Variants in CNTN6 observed in about 807,000 individuals in gnomAD.
CNTN6 encodes the protein contactin-6.
In CNTN6, 137 loss-of-function variants were observed where a neutral mutation model predicts 122.8. That is an observed-to-expected ratio of 1.12 (90% CI 0.97 to 1.29). The LOEUF is 1.29. Among genes scored for constraint, CNTN6 ranks in the 50% most tolerant of loss-of-function variants. The pLI is 0.00. For synonymous variants in CNTN6, 570 were observed against 426.0 expected (o/e 1.34, Z -4.16); for missense variants, 1,634 against 1,223.4 (o/e 1.34, Z -5.01).
chr3:1,199,530 C>T (rs1172238537), intron 2 of CNTN6, among the ~76,000 whole-genome samples: 1 of 151,830 alleles, frequency 6.6e-6, no homozygotes, highest in African/African-American at 2.4e-5. Context: ...TGCAGCAGCA[C>T]TAGGAAACTA....
At chr3:1,262,662 T>C (rs1052593681) in intron 4 of CNTN6, among the ~76,000 whole-genome samples, 2 of 152,166 alleles carry the variant, frequency 1.3e-5, no homozygotes, top group Non-Finnish European at 2.9e-5. Flanking sequence ...TTAGGCCTTA[T>C]GGCATTGTGC....
chr3:1,307,482 C>A (rs1291360786), intron 7 of CNTN6, among the ~76,000 whole-genome samples: 1 of 151,836 alleles, frequency 6.6e-6, no homozygotes, highest in Non-Finnish European at 1.5e-5. Flanking sequence ...CCCCCCCACA[C>A]ACAATTTCCC....
intron 11 of CNTN6, among the ~76,000 whole-genome samples, chr3:1,349,674 T>A (rs1388547496): frequency 2.0e-5 from 3 of 152,020 alleles, no homozygotes; most frequent in South Asian, 2.1e-4. Context: ...TTGGCTTTTT[T>A]AAAATCATTT....
chr3:1,387,206 A>C (rs1358809682), intron 20 of CNTN6, among the ~76,000 whole-genome samples: 1 of 151,942 alleles, frequency 6.6e-6, no homozygotes, highest in Non-Finnish European at 1.5e-5. Context: ...TAGAAAATAC[A>C]AAGTGCTGTG....
intron 11 of CNTN6, among the ~76,000 whole-genome samples, chr3:1,335,293 A>G (rs1702892386): frequency 6.6e-6 from 1 of 152,134 alleles, no homozygotes; most frequent in East Asian, 1.9e-4. Flanking sequence ...ACTTGTATGC[A>G]TATCCCAGTT....
chr3:1,248,182 T>G (rs2094607418), intron 4 of CNTN6, among the ~76,000 whole-genome samples: 1 of 152,176 alleles, frequency 6.6e-6, no homozygotes, highest in South Asian at 2.1e-4. Flanking sequence ...TCCTTCCCTA[T>G]TTCCAAGATG....
intron 12 of CNTN6, among the ~76,000 whole-genome samples, chr3:1,361,979 A>G (rs1183649968): frequency 1.3e-5 from 2 of 152,158 alleles, no homozygotes; most frequent in Non-Finnish European, 2.9e-5. Context: ...GTAGACTTAC[A>G]GTGAAAGGGA....
intron 2 of CNTN6, 108 bp from the exon 3 acceptor site, chr3:1,220,579 T>C: frequency 1.0e-6 from 1 of 998,758 alleles, no homozygotes; most frequent in Non-Finnish European, 1.3e-6. Context: ...GAGATTGTTT[T>C]AAAATAAAAT....
At chr3:1,103,867 C>T (rs9865375) in intron 1 of CNTN6, among the ~76,000 whole-genome samples, 33,123 of 151,910 alleles carry the variant, frequency 0.22, 7,318 homozygotes, top group African/African-American at 0.57. Context: ...TATTAGCCCC[C>T]GGATGTTATT....
At chr3:1,252,530 T>G (rs2094687796) in intron 4 of CNTN6, among the ~76,000 whole-genome samples, 1 of 152,180 alleles carries the variant, frequency 6.6e-6, no homozygotes, top group African/African-American at 2.4e-5. Context: ...GATAACTATT[T>G]CACTTTACGG....
At chr3:1,171,731 C>A (rs2093361480) in intron 2 of CNTN6, among the ~76,000 whole-genome samples, 1 of 152,118 alleles carries the variant, frequency 6.6e-6, no homozygotes, top group Non-Finnish European at 1.5e-5. Flanking sequence ...CTCAGCCTCC[C>A]AAGTCCCTGG....
At chr3:1,225,780 G>A (rs917393134) in intron 3 of CNTN6, among the ~76,000 whole-genome samples, 9 of 150,080 alleles carry the variant, frequency 6.0e-5, no homozygotes, top group Admixed American at 4.0e-4. Context: ...AAAAATGATC[G>A]CAGAAAATCT....
chr3:1,174,462 A>G (rs1162904890), intron 2 of CNTN6, among the ~76,000 whole-genome samples: 2 of 152,208 alleles, frequency 1.3e-5, no homozygotes, highest in Non-Finnish European at 2.9e-5. Flanking sequence ...GGAACTTCTC[A>G]GTTTTCTTAT....
intron 20 of CNTN6, 121 bp from the exon 21 acceptor site, chr3:1,401,312 G>A: frequency 1.4e-6 from 1 of 726,028 alleles, no homozygotes; most frequent in East Asian, 2.8e-5. Flanking sequence ...TGACACTGAA[G>A]ACATTTTAGC....
At chr3:1,326,236 C>T (rs937459720) in intron 9 of CNTN6, among the ~76,000 whole-genome samples, 5 of 151,838 alleles carry the variant, frequency 3.3e-5, no homozygotes, top group Admixed American at 1.3e-4. Context: ...CCGTCATCAT[C>T]GACACGGATA....
intron 2 of CNTN6, among the ~76,000 whole-genome samples, chr3:1,168,218 A>C (rs549972664): frequency 7.0e-4 from 106 of 151,908 alleles, no homozygotes; most frequent in African/African-American, 2.5e-3. Context: ...TGGAAATGTT[A>C]TTAACCCTGT....
chr3:1,385,135 T>C (rs1263828421), intron 19 of CNTN6, among the ~76,000 whole-genome samples: 2 of 151,980 alleles, frequency 1.3e-5, no homozygotes, highest in Non-Finnish European at 2.9e-5. Flanking sequence ...TAATTTATTC[T>C]CTTTTTTTTT....
At chr3:1,110,545 A>G (rs2091432262) in intron 1 of CNTN6, among the ~76,000 whole-genome samples, 2 of 152,138 alleles carry the variant, frequency 1.3e-5, no homozygotes, top group African/African-American at 4.8e-5. Flanking sequence ...CAAAGCTGGC[A>G]AATTTGGGGA....
intron 5 of CNTN6, among the ~76,000 whole-genome samples, chr3:1,281,653 C>CG (rs1553655830): frequency 6.6e-6 from 1 of 151,840 alleles, no homozygotes; most frequent in Non-Finnish European, 1.5e-5. Context: ...TTAGTAGAGG[C>CG]GGGGTTTCAC....
Sources: gnomAD v4.1 joint callset for allele counts (sites outside exome capture counted in the v4.1 genomes callset) on GRCh38, gnomAD v4.1.1 for gene constraint, MANE v1.5 for transcripts, NCBI Gene and HGNC (gene_info 2026-07-23, HGNC 2026-07-21) for gene names.